Variants in DNAH7 observed in about 807,000 individuals in gnomAD.
DNAH7 encodes axonemal beta dynein heavy chain 7.
Under a neutral mutation model 444.6 loss-of-function variants are expected in DNAH7, and 397 were observed. The ratio of observed to expected loss-of-function variants is 0.89; its 90% confidence interval spans 0.82 to 0.97. DNAH7 has a LOEUF of 0.97. DNAH7 is among the 50% of genes least tolerant of loss of function. DNAH7 has a pLI of 0.00. For synonymous variants in DNAH7, 1,636 were observed against 1,624.4 expected (o/e 1.01, Z -0.17); for missense variants, 4,902 against 4,800.8 (o/e 1.02, Z -0.62).
chr2:196,062,300 C>T (rs892141619), intron 1 of DNAH7, among the ~76,000 whole-genome samples: 8 of 152,104 alleles, frequency 5.3e-5, no homozygotes, highest in African/African-American at 1.7e-4. Context: ...CACAACTACA[C>T]CCTATCAAAT....
At chr2:195,841,247 T>TCTCTC (rs376772540) in intron 47 of DNAH7, among the ~76,000 whole-genome samples, 2,465 of 151,652 alleles carry the variant, frequency 0.016, 29 homozygotes, top group Middle Eastern at 0.044. Context: ...TCTGTCTCTC[T>TCTCTC]CTCTCCTCTC....
intron 19 of DNAH7, among the ~76,000 whole-genome samples, chr2:195,954,821 GTCT>G (rs1690526235): frequency 6.6e-6 from 1 of 152,190 alleles, no homozygotes; most frequent in African/African-American, 2.4e-5. Context: ...CTGCATAAAT[GTCT>G]TCTTTTGAGA....
intron 58 of DNAH7, among the ~76,000 whole-genome samples, chr2:195,785,605 G>GTTC (rs1559095059): frequency 1.0e-4 from 14 of 139,286 alleles, no homozygotes; most frequent in African/African-American, 2.1e-4. Context: ...TTTTTTTTTG[G>GTTC]TTGTTGTTTT....
intron 5 of DNAH7, among the ~76,000 whole-genome samples, chr2:196,045,512 C>A (rs1575094331): frequency 6.6e-6 from 1 of 151,728 alleles, no homozygotes; most frequent in Non-Finnish European, 1.5e-5. Context: ...GTTAGTAAAT[C>A]TAAGTGTTAA....
At chr2:195,896,503 G>A (rs970736495) in intron 29 of DNAH7, among the ~76,000 whole-genome samples, 12 of 152,016 alleles carry the variant, frequency 7.9e-5, no homozygotes, top group Non-Finnish European at 1.8e-4. Context: ...TTAGTTTCAT[G>A]TTATTTTTAA....
intron 19 of DNAH7, among the ~76,000 whole-genome samples, chr2:195,950,600 G>A (rs1690158264): frequency 6.6e-6 from 1 of 151,936 alleles, no homozygotes; most frequent in Non-Finnish European, 1.5e-5. Context: ...TGTAATCCCA[G>A]CACTTTGGGA....
chr2:195,885,356 C>G (rs1701644675), intron 34 of DNAH7, among the ~76,000 whole-genome samples: 1 of 152,048 alleles, frequency 6.6e-6, no homozygotes, highest in South Asian at 2.1e-4. Context: ...CAAGACCTAC[C>G]AATAAGGTAG....
chr2:195,870,788 T>A (rs116828274), intron 40 of DNAH7, among the ~76,000 whole-genome samples: 2,574 of 152,308 alleles, frequency 0.017, 70 homozygotes, highest in African/African-American at 0.058. Context: ...TGCCAGTGCC[T>A]TGATCTTGAA....
intron 19 of DNAH7, among the ~76,000 whole-genome samples, chr2:195,951,797 A>G (rs1160132563): frequency 6.6e-6 from 1 of 150,650 alleles, no homozygotes; most frequent in Non-Finnish European, 1.5e-5. Flanking sequence ...ATATTCCTCC[A>G]TCCCTTCATT....
chr2:195,820,833 T>C (rs1697434194), intron 49 of DNAH7, among the ~76,000 whole-genome samples: 1 of 152,222 alleles, frequency 6.6e-6, no homozygotes, highest in South Asian at 2.1e-4. Flanking sequence ...GCAAACTACC[T>C]ACATGTAGCA....
At chr2:196,003,345 G>T (rs1334201911) in intron 10 of DNAH7, among the ~76,000 whole-genome samples, 5 of 152,148 alleles carry the variant, frequency 3.3e-5, no homozygotes, top group African/African-American at 1.2e-4. Flanking sequence ...TCAGGCAAGA[G>T]ATGAAATAAG....
intron 61 of DNAH7, among the ~76,000 whole-genome samples, chr2:195,768,083 C>T (rs1450647786): frequency 6.6e-6 from 1 of 150,490 alleles, no homozygotes; most frequent in East Asian, 1.9e-4. Flanking sequence ...GGAAAGTACA[C>T]CTTAAAAGTA....
At chr2:196,054,219 T>C (rs187492293) in intron 2 of DNAH7, among the ~76,000 whole-genome samples, 1 of 152,346 alleles carries the variant, frequency 6.6e-6, no homozygotes, top group Non-Finnish European at 1.5e-5. Context: ...ATAGCATTCT[T>C]TATTGTTTAA....
At chr2:195,868,921 T>G (rs1006047666) in intron 40 of DNAH7, among the ~76,000 whole-genome samples, 1 of 150,412 alleles carries the variant, frequency 6.6e-6, no homozygotes, top group East Asian at 1.9e-4. Flanking sequence ...ACATGTAAAG[T>G]AGTCTCTAAC....
At chr2:195,787,955 C>A (rs1291710799) in intron 57 of DNAH7, among the ~76,000 whole-genome samples, 1 of 152,086 alleles carries the variant, frequency 6.6e-6, no homozygotes, top group Non-Finnish European at 1.5e-5. Flanking sequence ...GGTGAGGAAA[C>A]CCCAAGGGTA....
intron 47 of DNAH7, among the ~76,000 whole-genome samples, chr2:195,837,161 C>T (rs1384284068): frequency 6.6e-6 from 1 of 152,036 alleles, no homozygotes; most frequent in Non-Finnish European, 1.5e-5. Context: ...TTTCCTAGAT[C>T]AAATAAAGGT....
chr2:195,895,207 CA>C lies in DNAH7; in HGVS notation c.4664del (p.Leu1555CysfsTer5). On this transcript the variant is annotated frameshift_variant, in exon 30 of 65. Transcript: ENST00000312428. LOFTEE classifies it high-confidence loss of function. ...LPLFEGITSD[L>X]FPGVKLPKPD... ...GTTTTGGTAATTTTACCCCAGGAAA[CA>C]AATCCGAAGTAATTCCCTGATGATA... 6.2e-7 allele frequency: 1 copy of C among 1,607,068 alleles called. No individual in the cohort carries two copies. The highest frequency in any genetic ancestry group is 8.5e-7 in the Non-Finnish European group (1 of 1,175,042).
chr2:195,806,645 C>T, intron 54 of DNAH7, 95 bp downstream of exon 54: 1 of 970,394 alleles, frequency 1.0e-6, no homozygotes, highest in Non-Finnish European at 1.5e-6. Context: ...GCTCCTCTAC[C>T]TCCCCCATGA....
chr2:195,951,294 G>A (rs749710955), intron 19 of DNAH7, among the ~76,000 whole-genome samples: 10 of 152,136 alleles, frequency 6.6e-5, no homozygotes, highest in Non-Finnish European at 1.5e-4. Context: ...ATTGCACCAT[G>A]GTCTGAGAGA....
Sources: allele counts gnomAD v4.1 joint callset (sites outside exome capture counted in the v4.1 genomes callset), GRCh38; gene constraint gnomAD v4.1.1; transcripts MANE v1.5; gene names NCBI Gene and HGNC (gene_info 2026-07-23, HGNC 2026-07-21).